Variants in TTBK2 observed in about 807,000 individuals in gnomAD.
TTBK2 encodes the protein tau tubulin kinase 2.
TTBK2 carries 28 observed loss-of-function variants against 110.8 expected under a neutral mutation model. The observed-to-expected ratio is 0.25, with a 90% CI of 0.19 to 0.35. TTBK2 has a LOEUF of 0.35. Ranked by LOEUF, TTBK2 falls within the 10% of genes least tolerant of loss-of-function variation. TTBK2 has a pLI of 1.00. For missense variants in TTBK2, 1,369 were observed against 1,500.3 expected, an observed-to-expected ratio of 0.91 and a Z score of 1.45; for synonymous variants, 532 against 527.3, an observed-to-expected ratio of 1.01 and a Z score of -0.12.
chr15:42,810,601 C>T lies in TTBK2; in HGVS notation c.822+13G>A. 1 of 1,613,460 alleles carries T rather than the reference C, an allele frequency of 6.2e-7. No individual in the cohort carries two copies. Among genetic ancestry groups the T allele is most frequent in the Non-Finnish European group, 8.5e-7 (1 of 1,179,700 alleles). On this transcript the variant is annotated intron_variant, in intron 9 of 14. Coordinates refer to ENST00000267890, the MANE Select transcript of TTBK2 (RefSeq NM_173500.4). ...GAAAATAACTAACCCACAGAACTCA[C>T]AAAGATGGTTACCTGGTAGTCTGGT...
chr15:42,912,280 A>T (rs1041553446), intron 1 of TTBK2, among the ~76,000 whole-genome samples: 1 of 152,152 alleles, frequency 6.6e-6, no homozygotes, highest in Non-Finnish European at 1.5e-5. Context: ...TGTAAGAGGA[A>T]AAAGAGTCCA....
At chr15:42,754,004 T>C (rs552450475) in intron 13 of TTBK2, among the ~76,000 whole-genome samples, 72 of 152,300 alleles carry the variant, frequency 4.7e-4, no homozygotes, top group African/African-American at 1.6e-3. Flanking sequence ...ATAAATTCTA[T>C]TAAATACTAG....
At chr15:42,801,893 C>T (rs770386084) in intron 9 of TTBK2, 6 of 1,454,780 alleles carry the variant, frequency 4.1e-6, no homozygotes, top group Non-Finnish European at 5.7e-6. Context: ...TTCCTGAAGT[C>T]CTCCACCAGC....
chr15:42,771,034 C>G (rs55656304), intron 13 of TTBK2, among the ~76,000 whole-genome samples: 1 of 150,956 alleles, frequency 6.6e-6, no homozygotes, highest in Non-Finnish European at 1.5e-5. Context: ...AGTGCAGTGG[C>G]GCGATCTCGG....
intron 13 of TTBK2, among the ~76,000 whole-genome samples, chr15:42,765,658 T>C (rs1889331506): frequency 6.6e-6 from 1 of 152,182 alleles, no homozygotes; most frequent in Non-Finnish European, 1.5e-5. Flanking sequence ...TACCTGAAAG[T>C]GATGGGGAGA....
intron 1 of TTBK2, among the ~76,000 whole-genome samples, chr15:42,903,908 T>C (rs1567087268): frequency 1.3e-5 from 2 of 152,316 alleles, no homozygotes; most frequent in South Asian, 4.1e-4. Context: ...TATCACCCTA[T>C]AGAAAGGCCC....
chr15:42,766,446 CAA>C (rs567972612), intron 13 of TTBK2, among the ~76,000 whole-genome samples: 27 of 30,854 alleles, frequency 8.8e-4, no homozygotes, highest in African/African-American at 3.9e-3. Flanking sequence ...GAATGGAAAG[CAA>C]AAAAAAAAAA....
intron 9 of TTBK2, among the ~76,000 whole-genome samples, chr15:42,803,458 A>G (rs8037374): frequency 0.45 from 67,904 of 152,008 alleles, 19,302 homozygotes; most frequent in African/African-American, 0.81. Context: ...GAAGTGCCCC[A>G]TGTGGTTGGC....
At chr15:42,821,398 T>C (rs1892291578) in intron 6 of TTBK2, among the ~76,000 whole-genome samples, 1 of 152,198 alleles carries the variant, frequency 6.6e-6, no homozygotes. Flanking sequence ...TTTGCTTTAC[T>C]TTTAATTATT....
chr15:42,851,389 T>C (rs1049285028), intron 3 of TTBK2, among the ~76,000 whole-genome samples: 2 of 152,048 alleles, frequency 1.3e-5, no homozygotes, highest in Non-Finnish European at 2.9e-5. Flanking sequence ...CATGTTACAG[T>C]GTGTGGACTT....
intron 1 of TTBK2, among the ~76,000 whole-genome samples, chr15:42,914,077 A>G (rs1451167475): frequency 6.6e-6 from 1 of 151,884 alleles, no homozygotes; most frequent in Non-Finnish European, 1.5e-5. Context: ...CCCGGATTCA[A>G]GCGATTCTCC....
intron 13 of TTBK2, among the ~76,000 whole-genome samples, chr15:42,758,421 C>T (rs1337393146): frequency 1.3e-5 from 2 of 151,862 alleles, no homozygotes; most frequent in Admixed American, 6.6e-5. Flanking sequence ...TTTGGGAGGC[C>T]GAGGCAGGCA....
At chr15:42,756,014 G>T (rs1187257162) in intron 13 of TTBK2, among the ~76,000 whole-genome samples, 1 of 152,086 alleles carries the variant, frequency 6.6e-6, no homozygotes, top group Non-Finnish European at 1.5e-5. Context: ...TGGCCAACAT[G>T]GTGAAACCCT....
intron 4 of TTBK2, among the ~76,000 whole-genome samples, chr15:42,834,231 G>A (rs530510304): frequency 8.7e-5 from 13 of 149,718 alleles, no homozygotes; most frequent in African/African-American, 3.2e-4. Context: ...AGATAAAAAT[G>A]TAAGTAGAAG....
chr15:42,878,429 T>C (rs1596014280), intron 2 of TTBK2, 120 bp downstream of exon 2: 4 of 1,538,134 alleles, frequency 2.6e-6, no homozygotes, highest in East Asian at 2.4e-5. Context: ...AAGTAATGTA[T>C]GTAATATTTC....
At chr15:42,754,216 T>C (rs896198560) in intron 13 of TTBK2, among the ~76,000 whole-genome samples, 3 of 151,760 alleles carry the variant, frequency 2.0e-5, no homozygotes, top group African/African-American at 7.3e-5. Flanking sequence ...CCCGAGTAGC[T>C]GGGACTACAG....
intron 3 of TTBK2, among the ~76,000 whole-genome samples, chr15:42,863,728 CA>C (rs1408738783): frequency 6.6e-6 from 1 of 152,134 alleles, no homozygotes; most frequent in Non-Finnish European, 1.5e-5. Context: ...GGCACAAAAA[CA>C]GACACACAGA....
intron 3 of TTBK2, among the ~76,000 whole-genome samples, chr15:42,859,851 A>T (rs954850198): frequency 2.0e-5 from 3 of 152,208 alleles, no homozygotes; most frequent in African/African-American, 7.2e-5. Flanking sequence ...GCATGCAAGA[A>T]GAGGTGGGTA....
chr15:42,829,749 T>C (rs890380869), intron 5 of TTBK2, among the ~76,000 whole-genome samples, 189 bp downstream of exon 5: 11 of 152,236 alleles, frequency 7.2e-5, no homozygotes, highest in African/African-American at 2.7e-4. Context: ...TAAGTTGTAG[T>C]TGTAATTATC....
Sources: allele counts gnomAD v4.1 joint callset (sites outside exome capture counted in the v4.1 genomes callset), GRCh38; gene constraint gnomAD v4.1.1; transcripts MANE v1.5; gene names NCBI Gene and HGNC (gene_info 2026-07-23, HGNC 2026-07-21).